The following TTC28 variants were observed in gnomAD, a reference collection of about 807,000 sequenced individuals.
The protein encoded by TTC28 is tetratricopeptide repeat protein 28.
In TTC28, 61 loss-of-function variants were observed where a neutral mutation model predicts 198.0. The observed-to-expected ratio is 0.31, with a 90% CI of 0.25 to 0.38. The LOEUF is 0.38. Ranked by LOEUF, TTC28 falls within the 10% of genes least tolerant of loss-of-function variation. The pLI is 1.00. For missense variants in TTC28, 2,678 were observed against 3,164.0 expected, an observed-to-expected ratio of 0.85 and a Z score of 3.69; for synonymous variants, 1,171 against 1,297.8, an observed-to-expected ratio of 0.90 and a Z score of 2.10.
At chr22:28,376,548 A>C (rs2046411434) in intron 2 of TTC28, among the ~76,000 whole-genome samples, 1 of 152,228 alleles carries the variant, frequency 6.6e-6, no homozygotes, top group Non-Finnish European at 1.5e-5. Flanking sequence ...ATATAAAAAA[A>C]TAAATCTTCA....
At chr22:28,237,931 G>A (rs563824447) in intron 5 of TTC28, among the ~76,000 whole-genome samples, 11 of 152,174 alleles carry the variant, frequency 7.2e-5, no homozygotes, top group South Asian at 2.1e-4. Flanking sequence ...TCATCCCATC[G>A]TTCTCTGGCT....
At chr22:28,225,905 T>G (rs1179907278) in intron 5 of TTC28, among the ~76,000 whole-genome samples, 2 of 152,248 alleles carry the variant, frequency 1.3e-5, no homozygotes, top group Non-Finnish European at 2.9e-5. Context: ...CTGTCTTTGT[T>G]GGGCTTCTTT....
rs796335322 is a variant in TTC28 at position 28,442,115 on chromosome 22, AT to A, written c.382-135473del. On this transcript the variant is annotated intron_variant, in intron 2 of 22. Transcript: ENST00000397906. ...CAATTTATTTTGATAGAACCGCTGGATTTTTTTTTTTCTTGAGTTCTCAACA... is the reference window on the plus strand; with the variant it reads ...CAATTTATTTTGATAGAACCGCTGGATTTTTTTTTTCTTGAGTTCTCAACA... Among the ~76,000 whole-genome samples the A allele has an allele frequency of 7.9e-3, 1,175 of 148,500 alleles. 9 individuals are homozygous for A. Among genetic ancestry groups the A allele is most frequent in the African/African-American group, 0.022 (901 of 40,726 alleles).
chr22:28,202,537 C>CAAAAAAAAAAAA (rs998861083), intron 5 of TTC28, among the ~76,000 whole-genome samples: 71 of 110,778 alleles, frequency 6.4e-4, no homozygotes, highest in African/African-American at 2.2e-3. Flanking sequence ...GACTCTGTCT[C>CAAAAAAAAAAAA]AAAAAAAAAA....
chr22:28,386,253 C>T (rs1299031891), intron 2 of TTC28, among the ~76,000 whole-genome samples: 2 of 106,270 alleles, frequency 1.9e-5, no homozygotes, highest in Non-Finnish European at 1.8e-5. Flanking sequence ...CCACCCTGGG[C>T]GACAGAGCGA....
intron 5 of TTC28, among the ~76,000 whole-genome samples, chr22:28,227,270 C>T (rs2147218728): frequency 6.6e-6 from 1 of 152,184 alleles, no homozygotes; most frequent in African/African-American, 2.4e-5. Context: ...AACTCAAGAG[C>T]TAAAACTATA....
intron 2 of TTC28, among the ~76,000 whole-genome samples, chr22:28,360,732 C>T (rs1277500066): frequency 6.6e-6 from 1 of 152,098 alleles, no homozygotes; most frequent in African/African-American, 2.4e-5. Context: ...CTGCACTTTA[C>T]TTTATTGTGC....
At chr22:28,299,823 C>T (rs2044981376) in intron 3 of TTC28, among the ~76,000 whole-genome samples, 1 of 152,140 alleles carries the variant, frequency 6.6e-6, no homozygotes, top group Non-Finnish European at 1.5e-5. Context: ...CACTGCAGGG[C>T]TCTAAGCCCA....
chr22:28,192,190 G>A (rs1025322019), intron 5 of TTC28, among the ~76,000 whole-genome samples: 3 of 152,192 alleles, frequency 2.0e-5, no homozygotes, highest in Non-Finnish European at 2.9e-5. Flanking sequence ...GTCTGGAGTG[G>A]ACCTCCAGCA....
At chr22:28,251,767 C>CTATG (rs1269307144) in intron 5 of TTC28, among the ~76,000 whole-genome samples, 1 of 152,050 alleles carries the variant, frequency 6.6e-6, no homozygotes, top group African/African-American at 2.4e-5. Context: ...ATTAAAAGGG[C>CTATG]TATGAGATAG....
At chr22:28,370,695 T>G (rs1414979072) in intron 2 of TTC28, among the ~76,000 whole-genome samples, 1 of 151,792 alleles carries the variant, frequency 6.6e-6, no homozygotes, top group Non-Finnish European at 1.5e-5. Flanking sequence ...AAGACAGAAA[T>G]AGTGAAAGAG....
intron 6 of TTC28, among the ~76,000 whole-genome samples, chr22:28,161,871 A>AAGGAAGGG (rs1316053726): frequency 3.1e-4 from 36 of 118,024 alleles, no homozygotes; most frequent in Admixed American, 8.6e-4. Context: ...AAGAGGAAGG[A>AAGGAAGGG]AGGAAGGGAG....
intron 3 of TTC28, among the ~76,000 whole-genome samples, chr22:28,299,363 G>T (rs2044969144): frequency 6.6e-6 from 1 of 152,090 alleles, no homozygotes. Flanking sequence ...CCACTAAAAA[G>T]CTCTTGTCTG....
intron 2 of TTC28, among the ~76,000 whole-genome samples, chr22:28,438,025 T>G (rs1239098350): frequency 6.6e-6 from 1 of 152,172 alleles, no homozygotes; most frequent in Non-Finnish European, 1.5e-5. Context: ...GGTCTCTTGG[T>G]TGCACTGATC....
intron 12 of TTC28, among the ~76,000 whole-genome samples, chr22:28,061,063 G>T (rs1405467207): frequency 6.6e-6 from 1 of 152,110 alleles, no homozygotes; most frequent in Non-Finnish European, 1.5e-5. Flanking sequence ...TTTTTGATGA[G>T]GTTGTTTGAT....
intron 2 of TTC28, among the ~76,000 whole-genome samples, chr22:28,385,260 T>A (rs2046561105): frequency 6.7e-6 from 1 of 149,226 alleles, no homozygotes; most frequent in South Asian, 2.1e-4. Flanking sequence ...TGAGACAGAG[T>A]CTCACTCCTT....
At chr22:28,543,254 A>C (rs1426368016) in intron 2 of TTC28, among the ~76,000 whole-genome samples, 2 of 152,114 alleles carry the variant, frequency 1.3e-5, no homozygotes, top group African/African-American at 4.8e-5. Flanking sequence ...AGCAGGATCA[A>C]TTGAGCACAG....
intron 5 of TTC28, among the ~76,000 whole-genome samples, chr22:28,240,471 A>G (rs1929584124): frequency 6.6e-6 from 1 of 152,234 alleles, no homozygotes; most frequent in Non-Finnish European, 1.5e-5. Flanking sequence ...GTATACATAC[A>G]TGTATATATA....
At chr22:28,298,088 T>C (rs923232719) in intron 3 of TTC28, among the ~76,000 whole-genome samples, 1 of 152,178 alleles carries the variant, frequency 6.6e-6, no homozygotes, top group African/African-American at 2.4e-5. Context: ...ATCCTTTCTT[T>C]TGGCCATTGT....
Sources: gnomAD v4.1 joint callset for allele counts (sites outside exome capture counted in the v4.1 genomes callset) on GRCh38, gnomAD v4.1.1 for gene constraint, MANE v1.5 for transcripts, NCBI Gene and HGNC (gene_info 2026-07-23, HGNC 2026-07-21) for gene names.